Variants in TAFA5 observed in about 807,000 individuals in gnomAD.
TAFA5 encodes TAFA chemokine like family member 5.
A neutral mutation model predicts 15.3 loss-of-function variants in TAFA5; 6 were observed. The ratio of observed to expected loss-of-function variants is 0.39; its 90% CI spans 0.21 to 0.77. The LOEUF is 0.77. TAFA5 is among the 30% of genes least tolerant of loss of function. The probability of loss-of-function intolerance (pLI) is 0.41; values close to 1 mark genes in which losing one functional copy is unlikely to be tolerated. For synonymous variants in TAFA5, 103 were observed against 80.7 expected (o/e 1.28, Z -1.48); for missense variants, 161 against 193.1 (o/e 0.83, Z 0.98).
chr22:48,584,109 C>A (rs1601595378), intron 1 of TAFA5, among the ~76,000 whole-genome samples: 1 of 145,384 alleles, frequency 6.9e-6, no homozygotes, highest in East Asian at 2.1e-4. Context: ...ACACACACAC[C>A]ACACACACAC....
At chr22:48,673,878 A>G (rs1427975279) in intron 2 of TAFA5, among the ~76,000 whole-genome samples, 1 of 152,044 alleles carries the variant, frequency 6.6e-6, no homozygotes, top group Non-Finnish European at 1.5e-5. Flanking sequence ...TGCCTGGGAA[A>G]TGCATCATAG....
At chr22:48,711,460 C>G (rs1264794761) in intron 3 of TAFA5, among the ~76,000 whole-genome samples, 2 of 151,994 alleles carry the variant, frequency 1.3e-5, no homozygotes, top group African/African-American at 4.8e-5. Flanking sequence ...TCTCTGGGAA[C>G]AGCAGGAGAG....
At chr22:48,571,611 T>TA (rs908567780) in intron 1 of TAFA5, among the ~76,000 whole-genome samples, 4 of 135,264 alleles carry the variant, frequency 3.0e-5, no homozygotes, top group Admixed American at 7.4e-5. Context: ...TTTTTTGCTT[T>TA]AAAAAAAAAT....
At chr22:48,602,022 G>A (rs545829075) in intron 1 of TAFA5, among the ~76,000 whole-genome samples, 3 of 152,184 alleles carry the variant, frequency 2.0e-5, no homozygotes, top group African/African-American at 4.8e-5. Context: ...GCACGCTGGT[G>A]GGTTAAGCCC....
At chr22:48,592,056 G>T (rs1277396860) in intron 1 of TAFA5, among the ~76,000 whole-genome samples, 1 of 152,140 alleles carries the variant, frequency 6.6e-6, no homozygotes, top group Admixed American at 6.5e-5. Flanking sequence ...GCAGGAGGCG[G>T]GGGGTCCCTT....
intron 1 of TAFA5, among the ~76,000 whole-genome samples, chr22:48,533,691 G>A (rs1047894795): frequency 6.6e-6 from 1 of 152,202 alleles, no homozygotes; most frequent in African/African-American, 2.4e-5. Context: ...GCCACCCTCT[G>A]GGCATCTTGG....
chr22:48,576,261 C>T (rs1923791416), intron 1 of TAFA5: 1 of 653,580 alleles, frequency 1.5e-6, no homozygotes, highest in Non-Finnish European at 2.1e-6. Flanking sequence ...CCGCCCCCTC[C>T]GCGGCGCCCC....
intron 1 of TAFA5, among the ~76,000 whole-genome samples, chr22:48,639,530 A>C (rs943809417): frequency 6.6e-6 from 1 of 152,114 alleles, no homozygotes; most frequent in Non-Finnish European, 1.5e-5. Context: ...TGAGCTCCAG[A>C]CACCCTGAGG....
chr22:48,648,694 C>T (rs1249632176), intron 2 of TAFA5, among the ~76,000 whole-genome samples: 3 of 152,082 alleles, frequency 2.0e-5, no homozygotes, highest in East Asian at 1.9e-4. Context: ...CAAAATTACC[C>T]GGGCGTGGTG....
chr22:48,680,879 CATCTT>C (rs1329797397), intron 2 of TAFA5, among the ~76,000 whole-genome samples: 2 of 152,228 alleles, frequency 1.3e-5, no homozygotes, highest in African/African-American at 4.8e-5. Context: ...TGTCGGCTCT[CATCTT>C]AGGGCGCCCG....
At chr22:48,634,534 C>T (rs1926374171) in intron 1 of TAFA5, among the ~76,000 whole-genome samples, 1 of 152,168 alleles carries the variant, frequency 6.6e-6, no homozygotes, top group Non-Finnish European at 1.5e-5. Context: ...CTTATTCACA[C>T]ATTCAATCAT....
intron 2 of TAFA5, among the ~76,000 whole-genome samples, chr22:48,699,916 C>A (rs1278234254): frequency 6.6e-6 from 1 of 152,174 alleles, no homozygotes; most frequent in African/African-American, 2.4e-5. Flanking sequence ...GAGCAGCTCG[C>A]ACACCCCACT....
In TAFA5 at chr22:48,724,984, G is replaced by A. The variant is rs569376117; in HGVS notation, c.390+17140G>A. On this transcript the variant is annotated intron_variant, in intron 3 of 3. Coordinates refer to ENST00000402357, the MANE Select transcript of TAFA5 (RefSeq NM_001082967.3). Reference sequence around the variant, plus strand: ...AGGAGTAAGCAAGAGGGCCAGGGGCGCACCAGGAACTGTGTTCTTCCGTTC... The same window carrying A: ...AGGAGTAAGCAAGAGGGCCAGGGGCACACCAGGAACTGTGTTCTTCCGTTC... Among the ~76,000 whole-genome samples the A allele has an allele frequency of 3.9e-5, 6 of 152,358 alleles. No individual in the cohort carries two copies. In the South Asian group the frequency reaches 8.3e-4, roughly 21 times the overall value.
chr22:48,627,506 T>C (rs1174962051), intron 1 of TAFA5, among the ~76,000 whole-genome samples: 1 of 152,222 alleles, frequency 6.6e-6, no homozygotes. Flanking sequence ...TTTTGTAAAT[T>C]GTGACACAGC....
At chr22:48,709,908 C>T (rs1366631615) in intron 3 of TAFA5, among the ~76,000 whole-genome samples, 1 of 152,254 alleles carries the variant, frequency 6.6e-6, no homozygotes, top group Non-Finnish European at 1.5e-5. Flanking sequence ...GGGTCCTTAC[C>T]TGGAGGCTGC....
At chr22:48,666,398 G>A (rs564168649) in intron 2 of TAFA5, among the ~76,000 whole-genome samples, 98 of 116,068 alleles carry the variant, frequency 8.4e-4, no homozygotes, top group Non-Finnish European at 1.6e-3. Flanking sequence ...AAGAGAGCAG[G>A]AAGCAGAGGG....
chr22:48,537,128 G>A (rs1480606454), intron 1 of TAFA5, among the ~76,000 whole-genome samples: 1 of 151,708 alleles, frequency 6.6e-6, no homozygotes, highest in Non-Finnish European at 1.5e-5. Context: ...ACTTGAGCCA[G>A]ATGGCTTGGT....
At chr22:48,685,623 G>A (rs964462819) in intron 2 of TAFA5, among the ~76,000 whole-genome samples, 5 of 151,960 alleles carry the variant, frequency 3.3e-5, no homozygotes, top group African/African-American at 1.2e-4. Flanking sequence ...GGGAGGGGGC[G>A]TATTGAGGGG....
intron 2 of TAFA5, among the ~76,000 whole-genome samples, chr22:48,652,666 C>G (rs566637965): frequency 2.0e-5 from 3 of 152,300 alleles, no homozygotes; most frequent in African/African-American, 7.2e-5. Context: ...CCCAGACCCC[C>G]ACGTGGAGCA....
Sources: allele counts gnomAD v4.1 joint callset (sites outside exome capture counted in the v4.1 genomes callset), GRCh38; gene constraint gnomAD v4.1.1; transcripts MANE v1.5; gene names NCBI Gene and HGNC (gene_info 2026-07-23, HGNC 2026-07-21).